Variants in CPEB2 observed in about 807,000 individuals in gnomAD.
CPEB2 encodes the protein cytoplasmic polyadenylation element-binding protein 2.
CPEB2 carries 56 observed loss-of-function variants against 93.6 expected under a neutral mutation model. The observed-to-expected ratio is 0.60, with a 90% CI of 0.48 to 0.75. The LOEUF is 0.75. CPEB2 is among the 30% of genes least tolerant of loss of function. CPEB2 has a pLI of 0.00. For missense variants in CPEB2, 1,579 were observed against 1,395.1 expected (o/e 1.13, Z -2.10); for synonymous variants, 764 against 586.3 (o/e 1.30, Z -4.38).
Position 15,004,259 on chromosome 4 carries a change from G to C in CPEB2, c.1586G>C (p.Ser529Thr), listed in dbSNP as rs1456362483. ...CCGCAGAGCCGGAGGTCGCCCGTCAGCCCGCAGCTCCAGCAGCAGCACCAG... is the reference window on the plus strand; with the variant it reads ...CCGCAGAGCCGGAGGTCGCCCGTCACCCCGCAGCTCCAGCAGCAGCACCAG... ...QQPQSRRSPV[S>T]PQLQQQHQAA... The change falls in exon 1 of 12, where the codon AGC becomes ACC. Residue 529 changes from serine (S) to threonine (T), a missense_variant. Around this residue, in one of 2 missense-constraint regions of CPEB2, gnomAD observed 1,411 missense variants for 1,056.0 expected, o/e 1.34. Coordinates refer to ENST00000538197, the MANE Select transcript of CPEB2 (RefSeq NM_001177382.2). The C allele has an allele frequency of 9.4e-6, 14 of 1,493,958 alleles. No individual in the cohort carries two copies. Among genetic ancestry groups the C allele is most frequent in the African/African-American group, 1.5e-5 (1 of 68,400 alleles). 92.5% of individuals were successfully genotyped at this position (1,493,958 alleles called of 1,614,324 possible).
intron 4 of CPEB2, among the ~76,000 whole-genome samples, chr4:15,031,689 T>G (rs756438859): frequency 2.0e-5 from 3 of 152,190 alleles, no homozygotes; most frequent in Non-Finnish European, 2.9e-5. Flanking sequence ...TATTCCATAG[T>G]TAACTTAGAT....
chr4:15,004,130 GC>G lies in CPEB2; in HGVS notation c.1458del (p.Gly487AlafsTer19). 1 of 1,516,768 alleles carries G rather than the reference GC, an allele frequency of 6.6e-7. No homozygotes were observed. The allele number at this position is 1,516,768 out of a possible 1,614,324, so 94.0% of individuals were successfully genotyped here. ...LSVPTSGGGG[G>X]GFGGPFSATA... Reference sequence around the variant, plus strand: ...GTTCCGACGAGCGGCGGCGGCGGCGGCGGCTTCGGCGGCCCCTTCTCGGCTA... The same window carrying G: ...GTTCCGACGAGCGGCGGCGGCGGCGGGGCTTCGGCGGCCCCTTCTCGGCTA... On this transcript the variant is annotated frameshift_variant, in exon 1 of 12. Coordinates refer to ENST00000538197, the MANE Select transcript of CPEB2 (RefSeq NM_001177382.2). LOFTEE classifies it high-confidence loss of function.
rs141601239 is a variant in CPEB2, at chr4:15,007,396, A to T, written c.1754A>T (p.His585Leu). ...MSWGAMHGRD[H>L]RRTGNMGIPG... ...TGGGGAGCAATGCATGGCAGAGATCATCGTAGAACCGGAAACATGGGAATC... is the reference window on the plus strand; with the variant it reads ...TGGGGAGCAATGCATGGCAGAGATCTTCGTAGAACCGGAAACATGGGAATC... The change falls in exon 2 of 12, where the codon CAT becomes CTT. Residue 585 changes from histidine (H) to leucine (L), a missense_variant. Physicochemically the swap from His to Leu is moderately conservative, Grantham distance 99. Coordinates refer to ENST00000538197, the MANE Select transcript of CPEB2 (RefSeq NM_001177382.2). 1 of 1,613,952 alleles carries T rather than the reference A, an allele frequency of 6.2e-7. No homozygotes were observed. Among genetic ancestry groups the T allele is most frequent in the Admixed American group, 1.7e-5 (1 of 59,998 alleles).
intron 3 of CPEB2, among the ~76,000 whole-genome samples, chr4:15,012,902 C>T (rs924173402): frequency 6.6e-6 from 1 of 151,888 alleles, no homozygotes; most frequent in African/African-American, 2.4e-5. Context: ...TTGACCACTT[C>T]TTTAAAAATA....
At chr4:15,063,120 G>A (rs1431375659) in intron 11 of CPEB2, among the ~76,000 whole-genome samples, 4 of 151,878 alleles carry the variant, frequency 2.6e-5, no homozygotes, top group Non-Finnish European at 4.4e-5. Flanking sequence ...AATTTGAGTG[G>A]GTACTCCTTT....
chr4:15,053,508 G>A (rs1728430031), intron 7 of CPEB2, among the ~76,000 whole-genome samples: 1 of 152,172 alleles, frequency 6.6e-6, no homozygotes. Flanking sequence ...GAGGTTATGG[G>A]AAATGTATCA....
rs369334098 is a variant in CPEB2, at chr4:15,007,503, A to G, written c.1861A>G (p.Thr621Ala). ...AGCACCACCGAAATTTACTCGCTCA[A>G]CTCCATCACTGACTCCAAAATCTTG... is the stretch of plus-strand genomic sequence containing the variant. ...VIAPPKFTRSTPSLTPKSWIE... is the reference protein window; with the variant it reads ...VIAPPKFTRSAPSLTPKSWIE... Residue 621 changes from threonine to alanine, a missense_variant, in exon 2 of 12, where the codon ACT becomes GCT. Around this residue, in one of 2 missense-constraint regions of CPEB2, gnomAD observed 1,411 missense variants for 1,056.0 expected, o/e 1.34. Transcript: ENST00000538197. 4.3e-5 allele frequency: 70 copies of G among 1,614,030 alleles called. No homozygotes were observed. Among genetic ancestry groups the G allele is most frequent in the East Asian group, 2.0e-4 (9 of 44,870 alleles).
At chr4:15,065,558 A>C (rs903994098) in intron 11 of CPEB2, among the ~76,000 whole-genome samples, 1 of 152,120 alleles carries the variant, frequency 6.6e-6, no homozygotes, top group African/African-American at 2.4e-5. Flanking sequence ...ACAGATGTGG[A>C]AACTGAGGTG....
At chr4:15,046,353 G>A (rs1318043641) in intron 6 of CPEB2, among the ~76,000 whole-genome samples, 2 of 152,152 alleles carry the variant, frequency 1.3e-5, no homozygotes, top group South Asian at 4.1e-4. Flanking sequence ...AGCCTTCTGA[G>A]TAGTTGGGAT....
Position 15,052,533 on chromosome 4 carries a change from C to T in CPEB2, c.2320C>T (p.Arg774Cys), listed in dbSNP as rs1030707691. ...SAHQNGERIE[R>C]FSRKVFVGGL... ...TCACCAAAATGGAGAGCGAATAGAA[C>T]GCTTCTCTCGAAAAGTTTTTGTTGG... is the stretch of plus-strand genomic sequence containing the variant. The change falls in exon 7 of 12, where the codon CGC (arginine) becomes TGC (cysteine). Residue 774 changes from arginine to cysteine, a missense_variant. Physicochemically the swap from Arg to Cys is radical, Grantham distance 180. Coordinates refer to ENST00000538197, the MANE Select transcript of CPEB2 (RefSeq NM_001177382.2). 10 of 1,579,120 alleles carry T rather than the reference C, an allele frequency of 6.3e-6. No individual in the cohort carries two copies. The highest frequency in any genetic ancestry group is 1.4e-5 in the African/African-American group (1 of 73,986).
intron 8 of CPEB2, 146 bp from the exon 9 acceptor site, chr4:15,058,275 G>A: frequency 1.7e-6 from 1 of 590,320 alleles, no homozygotes; most frequent in East Asian, 2.8e-5. Context: ...AAGATATTGT[G>A]TTCTCTTGTA....
intron 4 of CPEB2, among the ~76,000 whole-genome samples, chr4:15,021,815 A>G (rs372428958): frequency 8.2e-4 from 125 of 152,208 alleles, no homozygotes; most frequent in African/African-American, 2.9e-3. Context: ...TGTCATTTTT[A>G]TTACCTGATT....
At position 15,067,978 on chromosome 4, in the gene CPEB2, A is replaced by T. The variant is rs1261706775; in HGVS notation, c.*1598A>T. The T allele has an allele frequency of 1.3e-5, 2 of 152,362 alleles. No homozygotes were observed. The highest frequency in any genetic ancestry group is 4.8e-5 in the African/African-American group (2 of 41,426). 9.4% of individuals were successfully genotyped at this position (152,362 alleles called of 1,614,324 possible). A position where few individuals can be genotyped will look rare whatever the true frequency, so the allele number is the denominator to read the frequency against. On this transcript the variant is annotated 3_prime_UTR_variant, in exon 12 of 12. Transcript: ENST00000538197. ...TCTCTTGGTACTGAACACTATTAGA[A>T]TATCATTAGTGATATTTTTTCTCTT...
intron 8 of CPEB2, among the ~76,000 whole-genome samples, chr4:15,056,970 G>T (rs1048599832): frequency 6.6e-6 from 1 of 151,734 alleles, no homozygotes; most frequent in Non-Finnish European, 1.5e-5. Flanking sequence ...ATTGAATTTA[G>T]AGTATTACTT....
rs575346487 is a variant in CPEB2, at chr4:15,052,002, A to G, written c.2201-412A>G. Among the ~76,000 whole-genome samples the G allele has an allele frequency of 3.9e-5, 6 of 152,330 alleles. No individual in the cohort carries two copies. The East Asian group carries it at 1.2e-3, about 29-fold the overall frequency. Reference sequence around the variant, plus strand: ...TCCTCATCCTTACTTACTGTAGTCTACAAGTGATTTTTTATAAATTATATC... The same window carrying G: ...TCCTCATCCTTACTTACTGTAGTCTGCAAGTGATTTTTTATAAATTATATC... On this transcript the variant is annotated intron_variant, in intron 6 of 11. Transcript: ENST00000538197.
At chr4:15,047,375 T>G (rs1454939852) in intron 6 of CPEB2, among the ~76,000 whole-genome samples, 4 of 152,186 alleles carry the variant, frequency 2.6e-5, no homozygotes, top group African/African-American at 4.8e-5. Flanking sequence ...GGAAAGAATT[T>G]ACATCTAACA....
chr4:15,048,851 T>C (rs1727962333), intron 6 of CPEB2, among the ~76,000 whole-genome samples: 1 of 152,072 alleles, frequency 6.6e-6, no homozygotes, highest in Admixed American at 6.5e-5. Context: ...TATACTACAG[T>C]GGTAGATATA....
At chr4:15,045,209 C>G (rs73797789) in intron 6 of CPEB2, among the ~76,000 whole-genome samples, 2 of 152,010 alleles carry the variant, frequency 1.3e-5, no homozygotes, top group African/African-American at 4.8e-5. Flanking sequence ...TTTTAAAGAA[C>G]CTTTAATTAG....
intron 3 of CPEB2, among the ~76,000 whole-genome samples, chr4:15,016,367 A>G (rs1724146715): frequency 6.6e-6 from 1 of 152,030 alleles, no homozygotes; most frequent in African/African-American, 2.4e-5. Context: ...TGAACAGAAT[A>G]CAGTAGAAAT....
Sources: allele counts gnomAD v4.1 joint callset (sites outside exome capture counted in the v4.1 genomes callset), GRCh38; gene constraint gnomAD v4.1.1; regional missense constraint gnomAD v4.1.1; transcripts MANE v1.5; gene names NCBI Gene and HGNC (gene_info 2026-07-23, HGNC 2026-07-21).